The following C5orf63 variants were observed in gnomAD, a reference collection of about 807,000 sequenced individuals.
The protein encoded by C5orf63 is glutaredoxin-like protein C5orf63.
Under a neutral mutation model 13.3 loss-of-function variants are expected in C5orf63, and 18 were observed. The ratio of observed to expected loss-of-function variants is 1.36; its 90% CI spans 0.94 to 2.01. C5orf63 has a LOEUF of 2.01. Among genes scored for constraint, C5orf63 ranks in the 30% most tolerant of loss-of-function variants. The pLI is 0.00. For missense variants in C5orf63, 118 were observed against 127.7 expected (o/e 0.92, Z 0.36); for synonymous variants, 38 against 44.7 (o/e 0.85, Z 0.60).
intron 2 of C5orf63, among the ~76,000 whole-genome samples, chr5:127,061,620 A>G (rs1363743698): frequency 6.6e-6 from 1 of 152,256 alleles, no homozygotes; most frequent in Non-Finnish European, 1.5e-5. Context: ...ACATATTTTT[A>G]TAGATTCAGC....
intron 2 of C5orf63, among the ~76,000 whole-genome samples, chr5:127,065,041 A>G (rs548292175): frequency 6.6e-6 from 1 of 152,278 alleles, no homozygotes; most frequent in South Asian, 2.1e-4. Context: ...CCTCTAAATA[A>G]AGCTCTCAGA....
At chr5:127,051,969 G>C in intron 4 of C5orf63, 22 bp from the exon 5 acceptor site, 1 of 1,459,250 alleles carries the variant, frequency 6.9e-7, no homozygotes, top group Non-Finnish European at 9.0e-7. Context: ...ACAGACTAAA[G>C]CTCTGTATTT....
intron 2 of C5orf63, 120 bp downstream of exon 2, chr5:127,071,464 A>T (rs1221599194): frequency 1.3e-5 from 2 of 152,230 alleles, no homozygotes; most frequent in African/African-American, 4.8e-5. Context: ...AGATAAACTT[A>T]GCCAAAACTT....
intron 1 of C5orf63, 50 bp from the exon 2 acceptor site, chr5:127,071,735 C>T (rs912911370): frequency 6.6e-6 from 1 of 152,192 alleles, no homozygotes; most frequent in East Asian, 1.9e-4. Context: ...AACATAAAAA[C>T]ACCTCGCTAC....
At chr5:127,047,786 C>A (rs1753551972), downstream of C5orf63, 3 of 703,928 alleles carry the variant, frequency 4.3e-6, no homozygotes, top group East Asian at 8.1e-5. Flanking sequence ...ATGTCATAAT[C>A]AAAACTTAAG....
chr5:127,050,443 A>G (rs1436968302), downstream of C5orf63, among the ~76,000 whole-genome samples: 1 of 151,862 alleles, frequency 6.6e-6, no homozygotes, highest in African/African-American at 2.4e-5. Flanking sequence ...AGTAGCTGGG[A>G]CTATAGGCAT....
At chr5:127,066,798 A>G (rs1754349334) in intron 2 of C5orf63, among the ~76,000 whole-genome samples, 2 of 152,142 alleles carry the variant, frequency 1.3e-5, no homozygotes, top group South Asian at 4.1e-4. Flanking sequence ...AGGGCCCAGG[A>G]TAGATCTCTG....
chr5:127,053,958 G>A (rs138356725), intron 3 of C5orf63, among the ~76,000 whole-genome samples: 2,575 of 152,146 alleles, frequency 0.017, 70 homozygotes, highest in African/African-American at 0.059. Flanking sequence ...GGCTTATCAT[G>A]TTATTATTAG....
At chr5:127,067,350 A>C (rs1266650983) in intron 2 of C5orf63, among the ~76,000 whole-genome samples, 1 of 152,254 alleles carries the variant, frequency 6.6e-6, no homozygotes, top group East Asian at 1.9e-4. Flanking sequence ...TACTGGCATC[A>C]AATGAAACAT....
In C5orf63 at chr5:127,052,646, T is replaced by C; in HGVS notation, c.138A>G (p.Glu46=). The stretch of plus-strand genomic sequence containing the variant: ...CATAAGGCTTGAGTACTTCCTTGGC[T>C]TCATCACAAAGGGGGCATGGGTCCT... ...FTKDPCPLCD[E]AKEVLKPYEN... Residue 46 remains glutamate, a synonymous_variant, in exon 4 of 5, where the codon GAA becomes GAG. Transcript: ENST00000296662. 1.3e-6 allele frequency: 2 copies of C among 1,510,766 alleles called. No homozygotes were observed. The highest frequency in any genetic ancestry group is 5.0e-5 in the East Asian group (2 of 40,114). The allele number at this position is 1,510,766 out of a possible 1,614,324, so 93.6% of individuals were successfully genotyped here. A position where few individuals can be genotyped will look rare whatever the true frequency, so the allele number is the denominator to read the frequency against.
chr5:127,073,422 ACCC>A (rs893431359), intron 1 of C5orf63, 26 bp downstream of exon 1: 4 of 152,238 alleles, frequency 2.6e-5, no homozygotes, highest in African/African-American at 9.7e-5. Flanking sequence ...GCGAGCGCTC[ACCC>A]TCGGCGCGGG....
At chr5:127,055,186 G>A (rs1753830511) in intron 3 of C5orf63, among the ~76,000 whole-genome samples, 2 of 152,088 alleles carry the variant, frequency 1.3e-5, no homozygotes, top group Non-Finnish European at 2.9e-5. Context: ...ACTGCCCAAG[G>A]TAATTTATAG....
chr5:127,057,801 C>T (rs562125488), intron 3 of C5orf63, among the ~76,000 whole-genome samples: 1 of 152,086 alleles, frequency 6.6e-6, no homozygotes, highest in Admixed American at 6.6e-5. Context: ...GTGCATAGTG[C>T]CAGGATTTTT....
chr5:127,043,917 CCTCT>C (rs1753461096), downstream of C5orf63: 1 of 152,082 alleles, frequency 6.6e-6, no homozygotes, highest in Non-Finnish European at 1.5e-5. Flanking sequence ...AATTTATTTC[CCTCT>C]CTGTTGCCTT....
downstream of C5orf63, chr5:127,047,646 C>T (rs1202489232): frequency 5.7e-6 from 4 of 695,996 alleles, no homozygotes; most frequent in African/African-American, 1.8e-5. Context: ...CCCTCTATTC[C>T]TATATATTTG....
At chr5:127,069,078 T>C (rs1402896710) in intron 2 of C5orf63, among the ~76,000 whole-genome samples, 1 of 152,230 alleles carries the variant, frequency 6.6e-6, no homozygotes, top group Non-Finnish European at 1.5e-5. Context: ...GCTGCAAAGC[T>C]GTTCCTGAAA....
chr5:127,052,841 T>C (rs1442034635), intron 3 of C5orf63, among the ~76,000 whole-genome samples, 172 bp from the exon 4 acceptor site: 3 of 152,256 alleles, frequency 2.0e-5, no homozygotes, highest in African/African-American at 7.2e-5. Context: ...CCATAGAATC[T>C]TATAAATAAC....
rs1335325664 is a variant in C5orf63, at chr5:127,065,869, T to C, written c.-8+5715A>G. ...AATATTTTGCATGTATCAGATACTA[T>C]TATAGGTGTTGGGGTATGGTGATGA... On this transcript the variant is annotated intron_variant, in intron 2 of 4. Coordinates refer to ENST00000296662, the MANE Select transcript of C5orf63 (RefSeq NM_001164478.2). Among the ~76,000 whole-genome samples, 6 of 152,118 alleles carry C rather than the reference T, an allele frequency of 3.9e-5. No individual in the cohort carries two copies. The East Asian group carries it at 1.2e-3, about 29-fold the overall frequency.
intron 1 of C5orf63, chr5:127,072,011 T>C (rs1338304150): frequency 6.6e-6 from 1 of 152,130 alleles, no homozygotes; most frequent in Non-Finnish European, 1.5e-5. Context: ...CAACAGTCCA[T>C]CTAAATAAAA....
Sources: gnomAD v4.1 joint callset for allele counts (sites outside exome capture counted in the v4.1 genomes callset) on GRCh38, gnomAD v4.1.1 for gene constraint, MANE v1.5 for transcripts, NCBI Gene and HGNC (gene_info 2026-07-23, HGNC 2026-07-21) for gene names.